Variants in HECTD2 observed in about 807,000 individuals in gnomAD.
HECTD2 encodes probable E3 ubiquitin-protein ligase HECTD2.
Under a neutral mutation model 103.2 loss-of-function variants are expected in HECTD2, and 35 were observed. The ratio of observed to expected loss-of-function variants is 0.34; its 90% CI spans 0.26 to 0.45. The LOEUF (loss-of-function observed/expected upper bound fraction) is 0.45, where lower values mean the gene tolerates loss of function less well. HECTD2 is among the 20% of genes least tolerant of loss of function. The pLI, the probability that HECTD2 is intolerant of heterozygous loss-of-function variation, is 1.00. For missense variants in HECTD2, 596 were observed against 937.4 expected, an observed-to-expected ratio of 0.64 and a Z score of 4.76; for synonymous variants, 281 against 329.9, an observed-to-expected ratio of 0.85 and a Z score of 1.61.
intron 5 of HECTD2, 147 bp downstream of exon 5, chr10:91,462,331 GTTAGA>G: frequency 9.0e-7 from 1 of 1,115,562 alleles, no homozygotes; most frequent in Non-Finnish European, 1.2e-6. Context: ...TTCTCATAAA[GTTAGA>G]TTATTTTATT....
intron 2 of HECTD2, among the ~76,000 whole-genome samples, chr10:91,449,311 T>G (rs1844683848): frequency 1.3e-5 from 2 of 152,176 alleles, no homozygotes; most frequent in African/African-American, 4.8e-5. Flanking sequence ...ATTACCTCAA[T>G]AGATGTATAA....
Position 91,484,510 on chromosome 10 carries a change from G to T in HECTD2, c.825G>T (p.Leu275Phe), listed in dbSNP as rs1846198885. The T allele has an allele frequency of 6.2e-7, 1 of 1,602,420 alleles. No homozygotes were observed. Among genetic ancestry groups the T allele is most frequent in the Non-Finnish European group, 8.5e-7 (1 of 1,176,378 alleles). Reference sequence around the variant, plus strand: ...ATTATTTTGAAATCTTTACCAGATTGTCCCAGAAGAGGTTCAAACAATTGG... The same window carrying T: ...ATTATTTTGAAATCTTTACCAGATTTTCCCAGAAGAGGTTCAAACAATTGG... ...HHFLVHWFKK[L>F]SQKRFKQLVE... The change falls in exon 9 of 21, where the codon TTG becomes TTT. Residue 275 changes from leucine to phenylalanine, a missense_variant. Leu to Phe is a conservative substitution (Grantham distance 22). Around this residue, in one of 4 missense-constraint regions of HECTD2, gnomAD observed 303 missense variants for 522.5 expected, o/e 0.58. Coordinates refer to ENST00000298068, the MANE Select transcript of HECTD2 (RefSeq NM_182765.6).
intron 19 of HECTD2, 76 bp downstream of exon 19, chr10:91,500,693 A>C (rs1435963121): frequency 8.4e-6 from 6 of 717,080 alleles, no homozygotes. Flanking sequence ...TATTTGCATA[A>C]CTTACAATCT....
At chr10:91,512,176 T>C (rs1847448384) in intron 20 of HECTD2, 88 bp from the exon 21 acceptor site, 7 of 1,341,088 alleles carry the variant, frequency 5.2e-6, no homozygotes, top group Middle Eastern at 1.8e-4. Context: ...GATTTGAATG[T>C]GTGTGTCCTG....
intron 2 of HECTD2, among the ~76,000 whole-genome samples, chr10:91,426,755 A>G (rs1336386225): frequency 6.6e-6 from 1 of 151,850 alleles, no homozygotes; most frequent in Non-Finnish European, 1.5e-5. Flanking sequence ...GACTCTCAAT[A>G]TGGTCCACTT....
At chr10:91,439,373 G>C (rs904685266) in intron 2 of HECTD2, among the ~76,000 whole-genome samples, 1 of 152,160 alleles carries the variant, frequency 6.6e-6, no homozygotes, top group Non-Finnish European at 1.5e-5. Context: ...ATTTGTCAAA[G>C]ATCAGATTAT....
intron 1 of HECTD2, among the ~76,000 whole-genome samples, chr10:91,419,548 A>G (rs988634377): frequency 2.0e-5 from 3 of 152,120 alleles, no homozygotes; most frequent in African/African-American, 7.2e-5. Context: ...TTGGTTAGTT[A>G]TTGTAATTAC....
At chr10:91,463,558 AAGG>A (rs1349254642) in intron 5 of HECTD2, 2 of 152,184 alleles carry the variant, frequency 1.3e-5, no homozygotes, top group South Asian at 4.1e-4. Context: ...ATTTGTGAAA[AAGG>A]AGAGTTTTAT....
At chr10:91,504,818 A>T (rs1375451961) in intron 20 of HECTD2, among the ~76,000 whole-genome samples, 1 of 151,946 alleles carries the variant, frequency 6.6e-6, no homozygotes, top group Non-Finnish European at 1.5e-5. Context: ...TCCAAGACAC[A>T]TAATTGTCAG....
At chr10:91,413,520 A>T (rs1165251601) in intron 1 of HECTD2, among the ~76,000 whole-genome samples, 1 of 152,258 alleles carries the variant, frequency 6.6e-6, no homozygotes, top group Non-Finnish European at 1.5e-5. Flanking sequence ...GCCCAAATGC[A>T]GTATTGTTAA....
chr10:91,450,756 A>G (rs373521043), intron 2 of HECTD2, among the ~76,000 whole-genome samples: 54 of 152,330 alleles, frequency 3.5e-4, no homozygotes, highest in African/African-American at 1.3e-3. Flanking sequence ...TGCAGCCAAC[A>G]AACATGAAAA....
At chr10:91,460,323 A>G in intron 2 of HECTD2, 104 bp from the exon 3 acceptor site, 1 of 1,053,534 alleles carries the variant, frequency 9.5e-7, no homozygotes, top group African/African-American at 1.6e-5. Flanking sequence ...AATGTAATAC[A>G]AAATAATTCA....
rs776167578 is a variant in HECTD2 at position 91,496,282 on chromosome 10, A to G, written c.1590A>G (p.Lys530=). The change falls in exon 15 of 21, where the codon AAA becomes AAG. Residue 530 remains lysine (K), a synonymous_variant. Coordinates refer to ENST00000298068, the MANE Select transcript of HECTD2 (RefSeq NM_182765.6). ...DIRFPPCCYK[K]LLSPPIIPSD... is the part of the protein sequence containing the mutation. ...GTTTCCCTCCCTGCTGTTACAAGAA[A>G]TTATTGAGCCCTCCCATCATTCCTA... 5.0e-6 allele frequency: 8 copies of G among 1,612,824 alleles called. No individual in the cohort carries two copies. The South Asian group carries it at 5.5e-5, about 11-fold the overall frequency.
chr10:91,422,713 TACTG>T (rs895025733), intron 1 of HECTD2, among the ~76,000 whole-genome samples: 2 of 152,190 alleles, frequency 1.3e-5, no homozygotes, highest in Admixed American at 6.5e-5. Flanking sequence ...TTACATAATT[TACTG>T]ACTATTTTAT....
chr10:91,481,131 C>T lies in HECTD2; in HGVS notation c.703C>T (p.Leu235Phe). 1 of 1,526,582 alleles carries T rather than the reference C, an allele frequency of 6.6e-7. No individual in the cohort carries two copies. The highest frequency in any genetic ancestry group is 8.9e-7 in the Non-Finnish European group (1 of 1,117,926). The allele number at this position is 1,526,582 out of a possible 1,614,324, so 94.6% of individuals were successfully genotyped here. A position where few individuals can be genotyped will look rare whatever the true frequency, so the allele number is the denominator to read the frequency against. ...TKDDLRAYFI[L>F]LQNPQFNNTS... ...AGATGATCTTAGAGCATATTTTATA[C>T]TTTTACAGGTAAGAGAACCAGAACC... The change falls in exon 7 of 21, where the codon CTT becomes TTT. Residue 235 changes from leucine (L) to phenylalanine (F), a missense_variant. Transcript: ENST00000298068.
chr10:91,471,743 T>C (rs1269109996), intron 5 of HECTD2, among the ~76,000 whole-genome samples: 2 of 152,096 alleles, frequency 1.3e-5, no homozygotes, highest in African/African-American at 4.8e-5. Context: ...CCTGTGAGTA[T>C]TGCTAACCAG....
intron 20 of HECTD2, among the ~76,000 whole-genome samples, chr10:91,508,884 A>C (rs1229091390): frequency 6.6e-6 from 1 of 151,950 alleles, no homozygotes; most frequent in Non-Finnish European, 1.5e-5. Context: ...CAAATGTCCA[A>C]CAATGATAGA....
intron 5 of HECTD2, 133 bp downstream of exon 5, chr10:91,462,317 G>T: frequency 8.7e-7 from 1 of 1,149,976 alleles, no homozygotes; most frequent in Non-Finnish European, 1.1e-6. Context: ...AAATGTAGCT[G>T]GAATTCTCAT....
At chr10:91,417,743 A>G (rs929123102) in intron 1 of HECTD2, among the ~76,000 whole-genome samples, 3 of 151,750 alleles carry the variant, frequency 2.0e-5, no homozygotes, top group Admixed American at 1.3e-4. Context: ...TATGTGCCAC[A>G]TTTTCTTAAT....
Sources: gnomAD v4.1 joint callset for allele counts (sites outside exome capture counted in the v4.1 genomes callset) on GRCh38, gnomAD v4.1.1 for gene constraint, gnomAD v4.1.1 regional missense constraint, MANE v1.5 for transcripts, NCBI Gene and HGNC (gene_info 2026-07-23, HGNC 2026-07-21) for gene names.